MSI2: variants seen among roughly 807,000 people sequenced by gnomAD.
MSI2 encodes musashi RNA binding protein 2.
In MSI2, 17 loss-of-function variants were observed where a neutral mutation model predicts 45.6. That is an observed-to-expected ratio of 0.37 (90% CI 0.26 to 0.56). The LOEUF is 0.56. Among genes scored for constraint, MSI2 ranks in the 20% least tolerant of loss-of-function variants. MSI2 has a pLI of 0.77. For missense variants in MSI2, 293 were observed against 444.2 expected, an observed-to-expected ratio of 0.66 and a Z score of 3.06; for synonymous variants, 156 against 158.2, an observed-to-expected ratio of 0.99 and a Z score of 0.11.
chr17:57,413,609 T>G (rs1350391717), intron 6 of MSI2, among the ~76,000 whole-genome samples: 1 of 152,034 alleles, frequency 6.6e-6, no homozygotes, highest in Non-Finnish European at 1.5e-5. Context: ...CTAATCTGTT[T>G]ATTGCATTTA....
chr17:57,345,092 G>A (rs1262214307), intron 5 of MSI2, among the ~76,000 whole-genome samples: 1 of 151,966 alleles, frequency 6.6e-6, no homozygotes, highest in Non-Finnish European at 1.5e-5. Context: ...AAAAGGAAGG[G>A]TTCAAGGCTT....
At chr17:57,533,437 C>A (rs974611681) in intron 7 of MSI2, among the ~76,000 whole-genome samples, 1 of 152,222 alleles carries the variant, frequency 6.6e-6, no homozygotes, top group African/African-American at 2.4e-5. Flanking sequence ...TTCCTGGGGG[C>A]ACATTCCCTG....
chr17:57,445,118 A>G (rs895665892), intron 6 of MSI2, among the ~76,000 whole-genome samples: 6 of 152,198 alleles, frequency 3.9e-5, no homozygotes, highest in African/African-American at 1.4e-4. Flanking sequence ...AGAGAGACTT[A>G]TCAGTTAAAC....
At chr17:57,649,800 G>A (rs1286013918) in intron 10 of MSI2, among the ~76,000 whole-genome samples, 1 of 152,222 alleles carries the variant, frequency 6.6e-6, no homozygotes, top group Non-Finnish European at 1.5e-5. Flanking sequence ...GGCTGTGCAG[G>A]ATGCTGGTGC....
intron 8 of MSI2, among the ~76,000 whole-genome samples, chr17:57,613,522 A>C (rs1439322574): frequency 6.6e-6 from 1 of 152,188 alleles, no homozygotes; most frequent in Non-Finnish European, 1.5e-5. Flanking sequence ...CGGTAGGGCA[A>C]ATTCCTAGAG....
chr17:57,255,956 G>C (rs987124259), upstream of MSI2: 1 of 152,150 alleles, frequency 6.6e-6, no homozygotes, highest in Non-Finnish European at 1.5e-5. Flanking sequence ...GGGGCGTCTC[G>C]GGGGCCGCCA....
rs374992425 is a variant in MSI2, at chr17:57,684,198, A to G, written c.*4681A>G. ...TATTCTGTACATAATGTACCATCCC[A>G]TGTGGAATCTGTGAGTGTCCTCTTA... On this transcript the variant is annotated 3_prime_UTR_variant, in exon 14 of 14. Coordinates refer to ENST00000284073, the MANE Select transcript of MSI2 (RefSeq NM_138962.4). The G allele has an allele frequency of 4.7e-6, 1 of 212,408 alleles. No individual in the cohort carries two copies. The highest frequency in any genetic ancestry group is 9.5e-6 in the Non-Finnish European group (1 of 104,828). 13.2% of individuals were successfully genotyped at this position (212,408 alleles called of 1,614,324 possible). A position where few individuals can be genotyped will look rare whatever the true frequency, so the allele number is the denominator to read the frequency against.
Position 57,627,057 on chromosome 17 carries a change from G to T in MSI2, c.653-172G>T. ...GCAACAGCTGACAGCAGCGCCCCCG[G>T]CCACAGGAGAGAGGTGACCCAGACC... On this transcript the variant is annotated intron_variant, in intron 9 of 13. Transcript: ENST00000284073. The surrounding 1 kb of genome is among the most constrained non-coding windows in gnomAD (Gnocchi z 4.6). 1.6e-6 allele frequency: 1 copy of T among 641,048 alleles called. No homozygotes were observed. 39.7% of individuals were successfully genotyped at this position (641,048 alleles called of 1,614,324 possible).
chr17:57,332,231 G>T (rs1054394682), intron 5 of MSI2, among the ~76,000 whole-genome samples: 1 of 152,054 alleles, frequency 6.6e-6, no homozygotes, highest in Admixed American at 6.5e-5. Context: ...CTCCCTAGGA[G>T]CTGGGATTAC....
intron 10 of MSI2, chr17:57,630,880 G>C (rs1411915243): frequency 6.6e-6 from 1 of 152,338 alleles, no homozygotes; most frequent in African/African-American, 2.4e-5. Flanking sequence ...AAAGTTTCGG[G>C]TGGATCTGGC....
chr17:57,413,001 C>A (rs1805382494), intron 6 of MSI2, among the ~76,000 whole-genome samples: 1 of 152,216 alleles, frequency 6.6e-6, no homozygotes, highest in South Asian at 2.1e-4. Context: ...TAGTTGTTAG[C>A]ATCCTGCTAA....
intron 10 of MSI2, among the ~76,000 whole-genome samples, chr17:57,642,397 A>C (rs1259698609): frequency 6.6e-6 from 1 of 152,192 alleles, no homozygotes; most frequent in Non-Finnish European, 1.5e-5. Flanking sequence ...TCTATCTTCA[A>C]GTGGCATTTG....
intron 6 of MSI2, among the ~76,000 whole-genome samples, chr17:57,485,152 C>G (rs556329326): frequency 9.8e-5 from 15 of 152,312 alleles, no homozygotes; most frequent in African/African-American, 3.6e-4. Context: ...TTAAGAACAG[C>G]CTTCCTGTCA....
At chr17:57,305,844 G>T (rs542575809) in intron 5 of MSI2, among the ~76,000 whole-genome samples, 8 of 152,156 alleles carry the variant, frequency 5.3e-5, no homozygotes, top group Non-Finnish European at 1.2e-4. Flanking sequence ...ACAAGGTACT[G>T]TGAAAAGCTC....
At chr17:57,382,321 G>T (rs11870867) in intron 5 of MSI2, among the ~76,000 whole-genome samples, 29,431 of 152,114 alleles carry the variant, frequency 0.19, 2,870 homozygotes, top group Non-Finnish European at 0.22. Context: ...GCTGGGAGAA[G>T]GTCTAGGGAG....
At chr17:57,571,283 G>C (rs1475665937) in intron 7 of MSI2, among the ~76,000 whole-genome samples, 1 of 152,180 alleles carries the variant, frequency 6.6e-6, no homozygotes, top group Non-Finnish European at 1.5e-5. Flanking sequence ...CCCTGGGAAG[G>C]GGAGAATCAA....
chr17:57,315,235 GAT>G (rs1288448940), intron 5 of MSI2, among the ~76,000 whole-genome samples: 4 of 152,206 alleles, frequency 2.6e-5, no homozygotes, highest in African/African-American at 9.7e-5. Context: ...AGCCCTGCCG[GAT>G]ACCAATGTCT....
chr17:57,541,988 C>T (rs899253057), intron 7 of MSI2, among the ~76,000 whole-genome samples: 7 of 152,110 alleles, frequency 4.6e-5, no homozygotes, highest in Non-Finnish European at 8.8e-5. Context: ...TGCTGACATC[C>T]GATTTATTAT....
intron 7 of MSI2, chr17:57,532,106 G>A (rs1480238601): frequency 6.6e-6 from 1 of 152,376 alleles, no homozygotes; most frequent in Non-Finnish European, 1.5e-5. Context: ...CAGGGCCTTG[G>A]TGCATGCACA....
Sources: gnomAD v4.1 joint callset for allele counts (sites outside exome capture counted in the v4.1 genomes callset) on GRCh38, gnomAD v4.1.1 for gene constraint, Gnocchi (gnomAD v3.1) non-coding constraint, MANE v1.5 for transcripts, NCBI Gene and HGNC (gene_info 2026-07-23, HGNC 2026-07-21) for gene names.